ACO1: variants seen among roughly 807,000 people sequenced by gnomAD.
ACO1 encodes aconitase 1.
ACO1 carries 78 observed loss-of-function variants against 105.1 expected under a neutral mutation model. The observed-to-expected ratio is 0.74, with a 90% CI of 0.62 to 0.90. The LOEUF is 0.90. ACO1 is among the 40% of genes least tolerant of loss of function. The probability of loss-of-function intolerance (pLI) is 0.00; values close to 1 mark genes in which losing one functional copy is unlikely to be tolerated. For missense variants in ACO1, 965 were observed against 1,111.1 expected, an observed-to-expected ratio of 0.87 and a Z score of 1.87; for synonymous variants, 364 against 397.4, an observed-to-expected ratio of 0.92 and a Z score of 1.00.
intron 4 of ACO1, among the ~76,000 whole-genome samples, chr9:32,415,911 T>TC (rs1821836969): frequency 6.6e-6 from 1 of 152,028 alleles, no homozygotes; most frequent in Non-Finnish European, 1.5e-5. Context: ...GTAAAAATCA[T>TC]CCTTCATTTG....
At position 32,386,494 on chromosome 9, in the gene ACO1, G is replaced by C. The variant is rs895674323; in HGVS notation, c.-23+1759G>C. 4 of 152,294 alleles carry C rather than the reference G, an allele frequency of 2.6e-5. 1 individual carries two copies. Among genetic ancestry groups the C allele is most frequent in the African/African-American group, 7.2e-5 (3 of 41,564 alleles). 9.4% of individuals were successfully genotyped at this position (152,294 alleles called of 1,614,324 possible). On this transcript the variant is annotated intron_variant, in intron 1 of 20. Transcript: ENST00000309951. ...TTAGCTTCGTGCCTTGTCAGAACAA[G>C]TTCAAGACAGATGTTATGTGTATAT... is the stretch of plus-strand genomic sequence containing the variant.
At chr9:32,408,376 C>A in intron 3 of ACO1, 138 bp from the exon 4 acceptor site, 1 of 955,576 alleles carries the variant, frequency 1.0e-6, no homozygotes, top group South Asian at 1.7e-5. Flanking sequence ...GAAACTTTCA[C>A]TTTTCTAAGT....
At chr9:32,434,505 G>C (rs1447469318) in intron 16 of ACO1, 54 bp from the exon 17 acceptor site, 3 of 1,608,864 alleles carry the variant, frequency 1.9e-6, no homozygotes, top group Middle Eastern at 1.6e-4. Context: ...GACTGATCTG[G>C]TAACTTGTTT....
intron 4 of ACO1, among the ~76,000 whole-genome samples, chr9:32,410,749 T>TAA (rs35631511): frequency 4.0e-5 from 6 of 151,850 alleles, no homozygotes; most frequent in Non-Finnish European, 7.4e-5. Context: ...GAGATGGGTG[T>TAA]AAAAAAAATC....
intron 15 of ACO1, 70 bp downstream of exon 15, chr9:32,431,913 G>A: frequency 6.4e-7 from 1 of 1,572,494 alleles, no homozygotes; most frequent in Admixed American, 1.8e-5. Context: ...TGTCCTGTCT[G>A]CAGACCTCAA....
At chr9:32,407,191 A>G in intron 2 of ACO1, 70 bp from the exon 3 acceptor site, 1 of 1,416,874 alleles carries the variant, frequency 7.1e-7, no homozygotes, top group Non-Finnish European at 9.9e-7. Flanking sequence ...CTTTATATAG[A>G]GATTGGCCTT....
At chr9:32,397,282 A>G (rs907220633) in intron 1 of ACO1, among the ~76,000 whole-genome samples, 1 of 152,220 alleles carries the variant, frequency 6.6e-6, no homozygotes. Flanking sequence ...ATAATTGCTC[A>G]TGTGACTTCT....
At chr9:32,443,491 A>G (rs1036471399) in intron 19 of ACO1, among the ~76,000 whole-genome samples, 48 of 152,224 alleles carry the variant, frequency 3.2e-4, no homozygotes, top group African/African-American at 1.1e-3. Context: ...GAATCATCTC[A>G]TTATCGATAT....
chr9:32,430,714 C>A (rs1169688039), intron 14 of ACO1, 140 bp downstream of exon 14: 5 of 936,870 alleles, frequency 5.3e-6, no homozygotes, highest in Non-Finnish European at 7.6e-6. Flanking sequence ...CTTTATTCCC[C>A]AATATACAGC....
At position 32,431,766 on chromosome 9, in the gene ACO1, A is replaced by G; in HGVS notation, c.1774A>G (p.Thr592Ala). Residue 592 changes from threonine (T) to alanine (A), a missense_variant, in exon 15 of 21, where the codon ACT becomes GCT. By Grantham distance (58) the Thr-to-Ala change is moderately conservative (BLOSUM62 0). Coordinates refer to ENST00000309951, the MANE Select transcript of ACO1 (RefSeq NM_002197.3). ...QQVFLKDIWP[T>A]RDEIQAVERQ... is the part of the protein sequence containing the mutation. ...GGTATTTCTGAAAGATATCTGGCCG[A>G]CTAGAGACGAGATCCAGGCAGTGGA... 1 of 1,614,162 alleles carries G rather than the reference A, an allele frequency of 6.2e-7. No homozygotes were observed. Among genetic ancestry groups the G allele is most frequent in the Admixed American group, 1.7e-5 (1 of 60,024 alleles).
chr9:32,434,832 G>T, intron 17 of ACO1, 131 bp downstream of exon 17: 1 of 1,059,246 alleles, frequency 9.4e-7, no homozygotes, highest in South Asian at 1.8e-5. Context: ...TTAACCCTGG[G>T]GTAAAAACCA....
At chr9:32,438,664 A>G (rs879369147) in intron 18 of ACO1, among the ~76,000 whole-genome samples, 2 of 152,244 alleles carry the variant, frequency 1.3e-5, no homozygotes, top group Non-Finnish European at 2.9e-5. Context: ...CATTCAAAAC[A>G]AATGAAAATT....
At chr9:32,418,578 T>A in intron 6 of ACO1, 67 bp downstream of exon 6, 1 of 1,481,778 alleles carries the variant, frequency 6.7e-7, no homozygotes, top group Non-Finnish European at 9.1e-7. Flanking sequence ...CTATTACATC[T>A]CAGTAACATG....
At position 32,440,515 on chromosome 9, in the gene ACO1, G is replaced by T. The variant is rs778284437; in HGVS notation, c.2298G>T (p.Leu766=). ...GGTACCAGCAGGCAGGCCTTCCCCT[G>T]ATCGTTCTGGCTGGCAAAGAGTACG... The part of the protein sequence containing the change: ...AERYQQAGLP[L]IVLAGKEYGA... The change falls in exon 19 of 21, where the codon CTG becomes CTT. Residue 766 remains leucine, a synonymous_variant. Transcript: ENST00000309951. The T allele has an allele frequency of 6.2e-7, 1 of 1,613,854 alleles. No homozygotes were observed. The highest frequency in any genetic ancestry group is 1.3e-5 in the African/African-American group (1 of 74,898).
intron 14 of ACO1, among the ~76,000 whole-genome samples, chr9:32,431,114 G>C (rs899136720): frequency 4.6e-5 from 7 of 152,172 alleles, no homozygotes; most frequent in African/African-American, 1.7e-4. Flanking sequence ...GATTTGCGTA[G>C]TCACTAAAAT....
intron 15 of ACO1, among the ~76,000 whole-genome samples, chr9:32,432,381 C>T (rs538356551): frequency 1.3e-3 from 204 of 152,320 alleles, no homozygotes; most frequent in Admixed American, 3.1e-3. Context: ...CCTTTCCCCG[C>T]CTTCTGCATT....
At chr9:32,433,334 A>G (rs1222063693) in intron 15 of ACO1, among the ~76,000 whole-genome samples, 2 of 152,180 alleles carry the variant, frequency 1.3e-5, no homozygotes, top group Non-Finnish European at 2.9e-5. Flanking sequence ...CCTGAGCTCA[A>G]GCAATCCTCC....
chr9:32,415,161 T>A (rs978701365), intron 4 of ACO1, among the ~76,000 whole-genome samples: 2 of 152,096 alleles, frequency 1.3e-5, no homozygotes, highest in African/African-American at 2.4e-5. Flanking sequence ...GACTGGAGGC[T>A]AGGAGAGGGC....
At position 32,451,001 on chromosome 9, in the gene ACO1, A is replaced by G. The variant is rs192388705; in HGVS notation, c.*890A>G. On this transcript the variant is annotated 3_prime_UTR_variant, in exon 21 of 21. Coordinates refer to ENST00000309951, the MANE Select transcript of ACO1 (RefSeq NM_002197.3). ...GGTATAACGGAAATGTTTAGGAACC[A>G]TTATGCTCGCTCTTCCCTGTTTGGG... 1 of 146,608 alleles carries G rather than the reference A, an allele frequency of 6.8e-6. No individual in the cohort carries two copies. Among genetic ancestry groups the G allele is most frequent in the Admixed American group, 6.7e-5 (1 of 14,876 alleles). 9.1% of individuals were successfully genotyped at this position (146,608 alleles called of 1,614,324 possible).
Sources: gnomAD v4.1 joint callset for allele counts (sites outside exome capture counted in the v4.1 genomes callset) on GRCh38, gnomAD v4.1.1 for gene constraint, MANE v1.5 for transcripts, NCBI Gene and HGNC (gene_info 2026-07-23, HGNC 2026-07-21) for gene names.